The following PPM1E variants were observed in gnomAD, a reference collection of about 807,000 sequenced individuals.
The protein encoded by PPM1E is protein phosphatase 1E.
PPM1E carries 20 observed loss-of-function variants against 65.9 expected under a neutral mutation model. The observed-to-expected ratio is 0.30, with a 90% CI of 0.21 to 0.44. The LOEUF (loss-of-function observed/expected upper bound fraction) is 0.44. Among genes scored for constraint, PPM1E ranks in the 20% least tolerant of loss-of-function variants. The pLI is 1.00. For synonymous variants in PPM1E, 352 were observed against 374.9 expected, an observed-to-expected ratio of 0.94 and a Z score of 0.70; for missense variants, 713 against 953.1, an observed-to-expected ratio of 0.75 and a Z score of 3.32.
intron 1 of PPM1E, among the ~76,000 whole-genome samples, chr17:58,843,828 T>TCAAAA (rs763845790): frequency 3.0e-4 from 45 of 152,144 alleles, no homozygotes; most frequent in Middle Eastern, 3.4e-3. Context: ...AGACCCTGTC[T>TCAAAA]CAAAACAAAA....
intron 1 of PPM1E, among the ~76,000 whole-genome samples, chr17:58,867,200 G>A (rs187049085): frequency 3.3e-5 from 5 of 152,242 alleles, no homozygotes; most frequent in African/African-American, 9.6e-5. Flanking sequence ...AGGCGGTCTC[G>A]AACTCCTGAC....
At chr17:58,802,554 T>A (rs896913689) in intron 1 of PPM1E, among the ~76,000 whole-genome samples, 1 of 152,120 alleles carries the variant, frequency 6.6e-6, no homozygotes, top group African/African-American at 2.4e-5. Context: ...TGTTAGGGGT[T>A]TTTTTTCTAT....
chr17:58,899,551 G>A (rs1348362578), intron 1 of PPM1E: 6 of 223,626 alleles, frequency 2.7e-5, no homozygotes, highest in Non-Finnish European at 5.7e-5. Flanking sequence ...GAAAGTAGGC[G>A]AATGGGTAGG....
chr17:58,823,623 T>C (rs2050502542), intron 1 of PPM1E, among the ~76,000 whole-genome samples: 1 of 152,202 alleles, frequency 6.6e-6, no homozygotes, highest in Non-Finnish European at 1.5e-5. Flanking sequence ...TTGTAAAATG[T>C]CTGCAAAATT....
At chr17:58,820,819 G>A (rs2050472385) in intron 1 of PPM1E, among the ~76,000 whole-genome samples, 1 of 151,884 alleles carries the variant, frequency 6.6e-6, no homozygotes, top group Admixed American at 6.6e-5. Context: ...ATTACTTGTG[G>A]GAGTGAGTCA....
intron 1 of PPM1E, among the ~76,000 whole-genome samples, chr17:58,760,364 C>G (rs1259601257): frequency 6.6e-6 from 1 of 152,156 alleles, no homozygotes; most frequent in Non-Finnish European, 1.5e-5. Flanking sequence ...CTTTACGGCC[C>G]CCAAAACAAA....
At chr17:58,822,836 T>C (rs2050494314) in intron 1 of PPM1E, among the ~76,000 whole-genome samples, 2 of 152,218 alleles carry the variant, frequency 1.3e-5, no homozygotes, top group Admixed American at 1.3e-4. Context: ...CTTACCGTAC[T>C]GCCAGTACTT....
chr17:58,963,407 G>A (rs1329153649), intron 2 of PPM1E, among the ~76,000 whole-genome samples: 1 of 135,370 alleles, frequency 7.4e-6, no homozygotes, highest in Non-Finnish European at 1.6e-5. Context: ...AAAAAAACTT[G>A]GCCGGGCACA....
At chr17:58,766,307 T>G (rs538342595) in intron 1 of PPM1E, among the ~76,000 whole-genome samples, 1 of 149,934 alleles carries the variant, frequency 6.7e-6, no homozygotes, top group African/African-American at 2.4e-5. Context: ...GTTCAAGCGA[T>G]TCTCCTGACT....
intron 1 of PPM1E, among the ~76,000 whole-genome samples, chr17:58,953,001 CCTT>C (rs2052261214): frequency 6.6e-6 from 1 of 152,060 alleles, no homozygotes; most frequent in East Asian, 1.9e-4. Context: ...AATGACAGCT[CCTT>C]AACTATTGTT....
intron 1 of PPM1E, among the ~76,000 whole-genome samples, chr17:58,841,521 CTTTT>C (rs34826804): frequency 1.0e-5 from 1 of 98,996 alleles, no homozygotes; most frequent in African/African-American, 3.3e-5. Context: ...AAAACAAATA[CTTTT>C]TTTTTTTTTT....
At chr17:58,857,807 T>TA (rs911963952) in intron 1 of PPM1E, among the ~76,000 whole-genome samples, 1 of 152,106 alleles carries the variant, frequency 6.6e-6, no homozygotes, top group African/African-American at 2.4e-5. Context: ...ACCTATGGTT[T>TA]AAAAAAATTA....
chr17:58,894,622 G>C (rs2051389371), intron 1 of PPM1E, among the ~76,000 whole-genome samples: 1 of 152,018 alleles, frequency 6.6e-6, no homozygotes, highest in Admixed American at 6.6e-5. Flanking sequence ...GACCCATAGG[G>C]CTCCCTTCAG....
At position 58,756,324 on chromosome 17, in the gene PPM1E, G is replaced by C; in HGVS notation, c.327G>C (p.Pro109=). The stretch of plus-strand genomic sequence containing the variant: ...GCGCGGCGACGGCGGCGGCAGCCCC[G>C]GGGCACTCGGCCGTGCCGCCGCCGC... ...EEGAATAAAA[P]GHSAVPPPPP... The change falls in exon 1 of 7, where the codon CCG becomes CCC. Residue 109 remains proline (P), a synonymous_variant. Transcript: ENST00000308249. 3 of 1,470,262 alleles carry C rather than the reference G, an allele frequency of 2.0e-6. No individual in the cohort carries two copies. Among genetic ancestry groups the C allele is most frequent in the Non-Finnish European group, 2.7e-6 (3 of 1,113,924 alleles). The allele number at this position is 1,470,262 out of a possible 1,614,324, so 91.1% of individuals were successfully genotyped here.
At chr17:58,822,325 T>C (rs1567843960) in intron 1 of PPM1E, among the ~76,000 whole-genome samples, 1 of 129,432 alleles carries the variant, frequency 7.7e-6, no homozygotes, top group East Asian at 2.3e-4. Flanking sequence ...TCTGAATTTA[T>C]TTTTATTTAT....
At chr17:58,945,559 G>A (rs1026059908) in intron 1 of PPM1E, among the ~76,000 whole-genome samples, 2 of 152,134 alleles carry the variant, frequency 1.3e-5, no homozygotes, top group African/African-American at 4.8e-5. Context: ...CTAATTGCCT[G>A]GAGTTACAAC....
intron 1 of PPM1E, among the ~76,000 whole-genome samples, chr17:58,883,497 T>C (rs931901401): frequency 1.4e-5 from 2 of 148,090 alleles, no homozygotes; most frequent in African/African-American, 4.9e-5. Context: ...TTTTTTTTTT[T>C]TTTTGAGACG....
chr17:58,883,841 A>G (rs2051234981), intron 1 of PPM1E, among the ~76,000 whole-genome samples: 1 of 152,170 alleles, frequency 6.6e-6, no homozygotes, highest in Non-Finnish European at 1.5e-5. Flanking sequence ...AAGCCTAAGT[A>G]CATGGGATGG....
chr17:58,923,655 G>A (rs927146234), intron 1 of PPM1E, among the ~76,000 whole-genome samples: 1 of 150,708 alleles, frequency 6.6e-6, no homozygotes, highest in Non-Finnish European at 1.5e-5. Context: ...GTTGAGGCAG[G>A]AGAATCGCTT....
Sources: gnomAD v4.1 joint callset for allele counts (sites outside exome capture counted in the v4.1 genomes callset) on GRCh38, gnomAD v4.1.1 for gene constraint, MANE v1.5 for transcripts, NCBI Gene and HGNC (gene_info 2026-07-23, HGNC 2026-07-21) for gene names.